The following EML6 variants were observed in gnomAD, a reference collection of about 807,000 sequenced individuals.
EML6 encodes the protein EMAP like 6.
Under a neutral mutation model 240.1 loss-of-function variants are expected in EML6, and 154 were observed. That is an observed-to-expected ratio of 0.64 (90% CI 0.56 to 0.73). The LOEUF (loss-of-function observed/expected upper bound fraction) is 0.73, where lower values mean the gene tolerates loss of function less well. EML6 is among the 30% of genes least tolerant of loss of function. The pLI is 0.00. For missense variants in EML6, 2,964 were observed against 2,474.6 expected (o/e 1.20, Z -4.20); for synonymous variants, 1,148 against 899.0 (o/e 1.28, Z -4.95).
intron 2 of EML6, among the ~76,000 whole-genome samples, chr2:54,742,855 A>C (rs934790016): frequency 3.9e-5 from 6 of 152,214 alleles, no homozygotes; most frequent in Admixed American, 6.5e-5. Flanking sequence ...TTCACACGTA[A>C]GTCCTCACTG....
chr2:54,934,464 A>G (rs1456007177), intron 28 of EML6, among the ~76,000 whole-genome samples: 3 of 152,138 alleles, frequency 2.0e-5, no homozygotes, highest in African/African-American at 7.2e-5. Flanking sequence ...TTTCAGGTCA[A>G]TCTAAATTCC....
intron 9 of EML6, among the ~76,000 whole-genome samples, chr2:54,848,772 T>A (rs1433188856): frequency 6.6e-6 from 1 of 152,214 alleles, no homozygotes; most frequent in East Asian, 1.9e-4. Context: ...CAGTGAGCTT[T>A]CCAGTGTGAG....
chr2:54,822,180 A>G, intron 5 of EML6, among the ~76,000 whole-genome samples: 1 of 152,314 alleles, frequency 6.6e-6, no homozygotes, highest in East Asian at 1.9e-4. Flanking sequence ...TAATTAAGGA[A>G]CACAAATTTT....
At chr2:54,938,336 T>A (rs1675257658) in intron 28 of EML6, among the ~76,000 whole-genome samples, 1 of 152,128 alleles carries the variant, frequency 6.6e-6, no homozygotes, top group Non-Finnish European at 1.5e-5. Flanking sequence ...TTCTGTAATT[T>A]TAGGGTATGC....
intron 2 of EML6, among the ~76,000 whole-genome samples, chr2:54,796,455 T>C (rs867548213): frequency 6.6e-6 from 1 of 152,110 alleles, no homozygotes; most frequent in Non-Finnish European, 1.5e-5. Flanking sequence ...TTTTTTGAAG[T>C]GTATTGAGTA....
At chr2:54,794,226 C>T (rs1233728474) in intron 2 of EML6, among the ~76,000 whole-genome samples, 1 of 152,166 alleles carries the variant, frequency 6.6e-6, no homozygotes, top group Non-Finnish European at 1.5e-5. Context: ...CAGCAGAGGC[C>T]TGTTGGCTTC....
Position 54,970,141 on chromosome 2 carries a change from G to A in EML6, c.*46G>A. 6.5e-7 allele frequency: 1 copy of A among 1,547,770 alleles called. No homozygotes were observed. Among genetic ancestry groups the A allele is most frequent in the Non-Finnish European group, 8.7e-7 (1 of 1,143,512 alleles). On this transcript the variant is annotated 3_prime_UTR_variant, in exon 42 of 42. Transcript: ENST00000356458. ...TTATTGCTGCTGCTGCTACCAGCCA[G>A]CAACTGCAGAGGCCATGCTGAGGTG...
intron 2 of EML6, among the ~76,000 whole-genome samples, chr2:54,796,611 T>C (rs1173668086): frequency 1.3e-5 from 2 of 152,066 alleles, no homozygotes; most frequent in East Asian, 3.9e-4. Flanking sequence ...TGTGTGTGCT[T>C]GCATACACGA....
rs149482203 is a variant in EML6 at position 54,878,998 on chromosome 2, T to A, written c.2345-549T>A. Among the ~76,000 whole-genome samples the A allele has an allele frequency of 1.3e-4, 20 of 152,312 alleles. No homozygotes were observed. The East Asian group carries it at 3.9e-3, about 29-fold the overall frequency. ...ACATTTGAAATAGGGAACATAAAAT[T>A]TTTAAATTGTAAAATCATCTTTTGA... On this transcript the variant is annotated intron_variant, in intron 16 of 41. Transcript: ENST00000356458.
intron 2 of EML6, among the ~76,000 whole-genome samples, chr2:54,763,606 G>GT (rs1415450967): frequency 1.3e-5 from 2 of 152,154 alleles, no homozygotes; most frequent in Admixed American, 1.3e-4. Flanking sequence ...TTTTGGATGG[G>GT]TAGGTGGGTA....
chr2:54,962,188 C>T (rs1458493828), intron 35 of EML6, among the ~76,000 whole-genome samples: 2 of 151,144 alleles, frequency 1.3e-5, no homozygotes, highest in Non-Finnish European at 2.9e-5. Flanking sequence ...TGGGCTCAAG[C>T]AATCCCCAAG....
intron 35 of EML6, 57 bp from the exon 36 acceptor site, chr2:54,962,464 CAT>C: frequency 3.1e-6 from 4 of 1,300,388 alleles, no homozygotes; most frequent in Non-Finnish European, 3.1e-6. Context: ...CTAGATACCT[CAT>C]ATGAGTGCAG....
At chr2:54,968,333 C>T in intron 40 of EML6, 52 bp downstream of exon 40, 1 of 1,528,160 alleles carries the variant, frequency 6.5e-7, no homozygotes, top group African/African-American at 1.4e-5. Flanking sequence ...TGGCCGTCTG[C>T]AGGAGATAGG....
intron 2 of EML6, among the ~76,000 whole-genome samples, chr2:54,797,182 A>AC (rs1463669853): frequency 6.8e-6 from 1 of 148,140 alleles, no homozygotes; most frequent in Non-Finnish European, 1.5e-5. Context: ...AAAAAAAAAA[A>AC]AAAAAAACTG....
At chr2:54,929,115 G>C (rs1558696798) in intron 28 of EML6, among the ~76,000 whole-genome samples, 1 of 152,192 alleles carries the variant, frequency 6.6e-6, no homozygotes, top group African/African-American at 2.4e-5. Context: ...GGGAGGACAG[G>C]ATTCTGAGGT....
At chr2:54,772,479 C>T (rs1183804239) in intron 2 of EML6, among the ~76,000 whole-genome samples, 5 of 152,150 alleles carry the variant, frequency 3.3e-5, no homozygotes, top group South Asian at 2.1e-4. Flanking sequence ...GGAATTAATT[C>T]GATTTTTACT....
intron 13 of EML6, among the ~76,000 whole-genome samples, chr2:54,865,170 T>A (rs1274365238): frequency 6.6e-6 from 1 of 152,140 alleles, no homozygotes; most frequent in Non-Finnish European, 1.5e-5. Flanking sequence ...GGGAAGTGTT[T>A]GTTTAATAAA....
At chr2:54,925,697 C>T (rs1371167530) in intron 26 of EML6, among the ~76,000 whole-genome samples, 1 of 152,164 alleles carries the variant, frequency 6.6e-6, no homozygotes, top group African/African-American at 2.4e-5. Context: ...GAGACATACC[C>T]TATCCTTTAT....
At chr2:54,921,692 G>C (rs1419111407) in intron 26 of EML6, among the ~76,000 whole-genome samples, 19 of 151,928 alleles carry the variant, frequency 1.3e-4, no homozygotes, top group Non-Finnish European at 7.4e-5. Flanking sequence ...ATATTACAAA[G>C]CTATAGTAAT....
Sources: allele counts gnomAD v4.1 joint callset (sites outside exome capture counted in the v4.1 genomes callset), GRCh38; gene constraint gnomAD v4.1.1; transcripts MANE v1.5; gene names NCBI Gene and HGNC (gene_info 2026-07-23, HGNC 2026-07-21).